The following IL27RA variants were observed in gnomAD, a reference collection of about 807,000 sequenced individuals.
The protein encoded by IL27RA is interleukin 27 receptor subunit alpha.
Under a neutral mutation model 80.8 loss-of-function variants are expected in IL27RA, and 61 were observed. The observed-to-expected ratio is 0.76, with a 90% CI of 0.61 to 0.93. The LOEUF (loss-of-function observed/expected upper bound fraction) is 0.93. Among genes scored for constraint, IL27RA ranks in the 40% least tolerant of loss-of-function variants. IL27RA has a pLI of 0.00. For synonymous variants in IL27RA, 316 were observed against 332.5 expected (o/e 0.95, Z 0.54); for missense variants, 735 against 808.1 (o/e 0.91, Z 1.10).
rs376895438 is a variant in IL27RA, at chr19:14,051,734, G to A, written c.1622+34G>A. The A allele has an allele frequency of 1.1e-5, 17 of 1,528,166 alleles. No individual in the cohort carries two copies. The East Asian group carries it at 1.8e-4, about 16-fold the overall frequency. The allele number at this position is 1,528,166 out of a possible 1,614,324, so 94.7% of individuals were successfully genotyped here. ...GTCGGATACATGCATCTCTACCCAC[G>A]TGGGGAAGGCAGCTGGGCATTTTGC... On this transcript the variant is annotated intron_variant, in intron 12 of 13. Coordinates refer to ENST00000263379, the MANE Select transcript of IL27RA (RefSeq NM_004843.4).
At chr19:14,046,390 C>T in intron 7 of IL27RA, 40 bp from the exon 8 acceptor site, 1 of 1,613,966 alleles carries the variant, frequency 6.2e-7, no homozygotes, top group South Asian at 1.1e-5. Context: ...TGGGAAGTGA[C>T]TTCCTGAGTG....
chr19:14,037,834 C>CTCTTTTTT (rs77898584), intron 2 of IL27RA, among the ~76,000 whole-genome samples: 1 of 129,422 alleles, frequency 7.7e-6, no homozygotes. Context: ...CTCTCTCTCT[C>CTCTTTTTT]TTTTTTTTTT....
chr19:14,040,089 C>T (rs1014572156), intron 4 of IL27RA, among the ~76,000 whole-genome samples, 179 bp downstream of exon 4: 1 of 152,170 alleles, frequency 6.6e-6, no homozygotes, highest in African/African-American at 2.4e-5. Context: ...CATGGCTGGG[C>T]ACGGTGGTTC....
rs146297068 is a variant in IL27RA, at chr19:14,045,907, C to T, written c.769-247C>T. On this transcript the variant is annotated intron_variant, in intron 6 of 13. Coordinates refer to ENST00000263379, the MANE Select transcript of IL27RA (RefSeq NM_004843.4). The stretch of plus-strand genomic sequence containing the variant: ...GGGCGTGATGGCAGGCGCCTGTAAT[C>T]CCAGCTACTCAGGAGGCTGAGGCAG... 8.3e-3 allele frequency among the ~76,000 whole-genome samples: 1,265 copies of T among 152,146 alleles called. 18 individuals are homozygous for T. Among genetic ancestry groups the T allele is most frequent in the African/African-American group, 0.029 (1,216 of 41,512 alleles).
chr19:14,053,124 G>C lies in IL27RA; in HGVS notation c.*834G>C, dbSNP rs989611908. 6.5e-5 allele frequency: 10 copies of C among 153,034 alleles called. No homozygotes were observed. The highest frequency in any genetic ancestry group is 2.4e-4 in the African/African-American group (10 of 41,476). 9.5% of individuals were successfully genotyped at this position (153,034 alleles called of 1,614,324 possible). On this transcript the variant is annotated 3_prime_UTR_variant, in exon 14 of 14. Coordinates refer to ENST00000263379, the MANE Select transcript of IL27RA (RefSeq NM_004843.4). ...ATCCAGCTTTGGTCATACCCAAGGG[G>C]AAGGTGGAGCAAGAAATGAAAAGGA...
Position 14,039,770 on chromosome 19 carries a change from C to G in IL27RA, c.394C>G (p.Arg132Gly), listed in dbSNP as rs774876922. The G allele has an allele frequency of 2.8e-5, 45 of 1,613,848 alleles. No homozygotes were observed. The highest frequency in any genetic ancestry group is 3.8e-5 in the Non-Finnish European group (45 of 1,179,926). Reference sequence around the variant, plus strand: ...TTCCCCAGTGAAGCCAAACGCCCCCCGGCTGGGCCCTGACGTGGACTTTTC... The same window carrying G: ...TTCCCCAGTGAAGCCAAACGCCCCCGGGCTGGGCCCTGACGTGGACTTTTC... ...LETQMKPNAPRLGPDVDFSED... is the reference protein window; with the variant it reads ...LETQMKPNAPGLGPDVDFSED... The change falls in exon 4 of 14, where the codon CGG (arginine) becomes GGG (glycine). Residue 132 changes from arginine to glycine, a missense_variant. Transcript: ENST00000263379.
intron 2 of IL27RA, among the ~76,000 whole-genome samples, chr19:14,037,763 G>A (rs551588345): frequency 3.3e-5 from 5 of 152,058 alleles, no homozygotes; most frequent in East Asian, 1.9e-4. Flanking sequence ...GGGATGGTGC[G>A]GGGGATTGCT....
intron 4 of IL27RA, among the ~76,000 whole-genome samples, chr19:14,041,275 G>T (rs1178827126): frequency 6.6e-6 from 1 of 151,512 alleles, no homozygotes; most frequent in Non-Finnish European, 1.5e-5. Flanking sequence ...TCAACTCACT[G>T]CAACCTCCAC....
intron 6 of IL27RA, 86 bp from the exon 7 acceptor site, chr19:14,046,068 G>A (rs930549146): frequency 7.7e-5 from 98 of 1,268,048 alleles, no homozygotes; most frequent in Non-Finnish European, 9.7e-5. Flanking sequence ...TTCACTGACC[G>A]GTGGTTTATC....
At chr19:14,036,813 T>C (rs946792811) in intron 2 of IL27RA, among the ~76,000 whole-genome samples, 1 of 149,704 alleles carries the variant, frequency 6.7e-6, no homozygotes, top group Admixed American at 6.7e-5. Context: ...TAAGGTTGAA[T>C]AGTATTCCAT....
rs551348861 is a variant in IL27RA at position 14,042,773 on chromosome 19, C to G, written c.752C>G (p.Pro251Arg). Residue 251 changes from proline (P) to arginine (R), a missense_variant, in exon 6 of 14, where the codon CCT becomes CGT. Physicochemically the swap from Pro to Arg is moderately radical, Grantham distance 103. Transcript: ENST00000263379. ...TGTGGGACGCCTGGAGGAGAGGAAC[C>G]TTTGCTTCTATGGAAGGTGAGCTTC... is the stretch of plus-strand genomic sequence containing the variant. ...NLCGTPGGEEPLLLWKAPGPC... is the reference protein window; with the variant it reads ...NLCGTPGGEERLLLWKAPGPC... The G allele has an allele frequency of 2.5e-6, 4 of 1,614,070 alleles. No individual in the cohort carries two copies. In the South Asian group the frequency reaches 4.4e-5, roughly 18 times the overall value.
chr19:14,032,822 A>AAAAAG (rs1317909973), intron 2 of IL27RA, among the ~76,000 whole-genome samples: 15 of 116,202 alleles, frequency 1.3e-4, no homozygotes, highest in South Asian at 3.7e-4. Context: ...AAAAAAAAAA[A>AAAAAG]AAAAGAAAAG....
At position 14,050,120 on chromosome 19, in the gene IL27RA, G is replaced by A. The variant is rs10416144; in HGVS notation, c.1403-638G>A. Among the ~76,000 whole-genome samples, 1,501 of 152,184 alleles carry A rather than the reference G, an allele frequency of 9.9e-3. 21 individuals carry two copies. Among genetic ancestry groups the A allele is most frequent in the African/African-American group, 0.034 (1,395 of 41,530 alleles). On this transcript the variant is annotated intron_variant, in intron 10 of 13. Coordinates refer to ENST00000263379, the MANE Select transcript of IL27RA (RefSeq NM_004843.4). Reference sequence around the variant, plus strand: ...CACTAGAATTGCTTGAATCCGGGAGGTGGAGGTTGCAGTGAGCCAAGATCA... The same window carrying A: ...CACTAGAATTGCTTGAATCCGGGAGATGGAGGTTGCAGTGAGCCAAGATCA...
At chr19:14,043,258 T>C (rs941015884) in intron 6 of IL27RA, among the ~76,000 whole-genome samples, 1 of 151,998 alleles carries the variant, frequency 6.6e-6, no homozygotes, top group African/African-American at 2.4e-5. Flanking sequence ...CAGCACAGGG[T>C]GGGGCATGGA....
chr19:14,035,997 T>A (rs1975891170), intron 2 of IL27RA, among the ~76,000 whole-genome samples: 1 of 150,766 alleles, frequency 6.6e-6, no homozygotes, highest in Non-Finnish European at 1.5e-5. Flanking sequence ...TCCCAGCACT[T>A]TGGGAGGCCG....
chr19:14,042,657 C>T lies in IL27RA; in HGVS notation c.694+45C>T, dbSNP rs751093690. The T allele has an allele frequency of 7.5e-5, 121 of 1,613,930 alleles. No homozygotes were observed. In the Middle Eastern group the frequency reaches 1.8e-3, roughly 24 times the overall value. On this transcript the variant is annotated intron_variant, in intron 5 of 13. Coordinates refer to ENST00000263379, the MANE Select transcript of IL27RA (RefSeq NM_004843.4). The stretch of plus-strand genomic sequence containing the variant: ...CCCTCAATCCACGCCCCTCCCACCC[C>T]CAGAAGTCTGTCCAATCATGTCCCA...
At position 14,039,523 on chromosome 19, in the gene IL27RA, C is replaced by A; in HGVS notation, c.234C>A (p.Thr78=). 1 of 1,613,460 alleles carries A rather than the reference C, an allele frequency of 6.2e-7. No individual in the cohort carries two copies. The highest frequency in any genetic ancestry group is 1.3e-5 in the African/African-American group (1 of 75,060). ...CTCCTCACAGCCGTTCCAACAAAAC[C>A]CAGACTGTGGCAGTGGCAGCCGGAC... ...LQSQKYRSNK[T]QTVAVAAGRS... is the part of the protein sequence containing the mutation. Residue 78 remains threonine (T), a synonymous_variant, in exon 3 of 14, where the codon ACC becomes ACA. Transcript: ENST00000263379.
In IL27RA at chr19:14,033,468, C is replaced by T. The variant is rs1269991319; in HGVS notation, c.218+965C>T. On this transcript the variant is annotated intron_variant, in intron 2 of 13. Coordinates refer to ENST00000263379, the MANE Select transcript of IL27RA (RefSeq NM_004843.4). ...GAAATAGGCCAGGCGCAGTGGTTCA[C>T]ACCTATAATCCCAGCACTTTGAGAG... 3.3e-5 allele frequency among the ~76,000 whole-genome samples: 5 copies of T among 151,928 alleles called. No homozygotes were observed. The East Asian group carries it at 9.7e-4, about 30-fold the overall frequency.
Position 14,051,987 on chromosome 19 carries a change from C to G in IL27RA, c.1716+14C>G, listed in dbSNP as rs1420335769. On this transcript the variant is annotated intron_variant, in intron 13 of 13. Coordinates refer to ENST00000263379, the MANE Select transcript of IL27RA (RefSeq NM_004843.4). ...CCCCACATGGAGGTGAGTCAAAGGG[C>G]CGGCTAGTCGGAGCCCTCTGGGGGA... is the stretch of plus-strand genomic sequence containing the variant. The G allele has an allele frequency of 6.3e-7, 1 of 1,577,278 alleles. No homozygotes were observed. The highest frequency in any genetic ancestry group is 8.6e-7 in the Non-Finnish European group (1 of 1,159,884).
Sources: allele counts gnomAD v4.1 joint callset (sites outside exome capture counted in the v4.1 genomes callset), GRCh38; gene constraint gnomAD v4.1.1; transcripts MANE v1.5; gene names NCBI Gene and HGNC (gene_info 2026-07-23, HGNC 2026-07-21).